GTF2A1L: variants seen among roughly 807,000 people sequenced by gnomAD.
The protein encoded by GTF2A1L is general transcription factor IIA subunit 1 like, also known as TFIIA-alpha and beta-like factor.
A neutral mutation model predicts 49.7 loss-of-function variants in GTF2A1L; 48 were observed. That is an observed-to-expected ratio of 0.97 (90% CI 0.77 to 1.23). The LOEUF (loss-of-function observed/expected upper bound fraction) is 1.23, where lower values mean the gene tolerates loss of function less well. Among genes scored for constraint, GTF2A1L ranks in the 50% most tolerant of loss-of-function variants. The pLI is 0.00. For synonymous variants in GTF2A1L, 246 were observed against 193.5 expected, an observed-to-expected ratio of 1.27 and a Z score of -2.25; for missense variants, 736 against 564.8, an observed-to-expected ratio of 1.30 and a Z score of -3.07.
intron 1 of GTF2A1L, among the ~76,000 whole-genome samples, chr2:48,619,600 G>C (rs1395594547): frequency 6.6e-6 from 1 of 152,042 alleles, no homozygotes; most frequent in Non-Finnish European, 1.5e-5. Context: ...GGCAATCCTA[G>C]AGTGCCACAA....
chr2:48,634,526 C>G (rs911079783), intron 3 of GTF2A1L, among the ~76,000 whole-genome samples: 1 of 152,154 alleles, frequency 6.6e-6, no homozygotes, highest in Non-Finnish European at 1.5e-5. Context: ...TTCATGGTAG[C>G]TGGCATCAGT....
intron 8 of GTF2A1L, among the ~76,000 whole-genome samples, chr2:48,672,722 T>C (rs6730379): frequency 0.22 from 32,869 of 152,172 alleles, 3,646 homozygotes; most frequent in South Asian, 0.25. Flanking sequence ...TGTAGTCAAA[T>C]GGGAGTTTTT....
intron 3 of GTF2A1L, among the ~76,000 whole-genome samples, chr2:48,623,893 G>T (rs1457446244): frequency 6.6e-6 from 1 of 152,070 alleles, no homozygotes; most frequent in Admixed American, 6.6e-5. Context: ...GCGAACACTG[G>T]GTACTCCAAA....
At chr2:48,673,359 C>CTTTTTTTTT (rs34493140) in intron 8 of GTF2A1L, among the ~76,000 whole-genome samples, 1 of 109,702 alleles carries the variant, frequency 9.1e-6, no homozygotes, top group Non-Finnish European at 1.7e-5. Context: ...ACACAGGAAA[C>CTTTTTTTTT]TTTTTTTTTT....
At chr2:48,657,269 T>G (rs1390166402) in intron 6 of GTF2A1L, among the ~76,000 whole-genome samples, 1 of 152,150 alleles carries the variant, frequency 6.6e-6, no homozygotes, top group East Asian at 1.9e-4. Context: ...TCTCCCTTTT[T>G]GGAGTCCCCA....
chr2:48,648,464 C>G (rs140304400), intron 6 of GTF2A1L, among the ~76,000 whole-genome samples: 243 of 152,054 alleles, frequency 1.6e-3, no homozygotes, highest in African/African-American at 5.5e-3. Context: ...TGTACTTTTT[C>G]TGATATGGGG....
At chr2:48,672,203 G>A (rs1679206936) in intron 8 of GTF2A1L, among the ~76,000 whole-genome samples, 1 of 152,162 alleles carries the variant, frequency 6.6e-6, no homozygotes, top group Admixed American at 6.5e-5. Flanking sequence ...TGGAGAATAA[G>A]CATCAGATAG....
Position 48,637,826 on chromosome 2 carries a change from C to G in GTF2A1L, c.248-4576C>G, listed in dbSNP as rs939811392. 2.6e-5 allele frequency among the ~76,000 whole-genome samples: 4 copies of G among 151,608 alleles called. 1 individual carries two copies. The South Asian group carries it at 8.4e-4, about 32-fold the overall frequency. On this transcript the variant is annotated intron_variant, in intron 3 of 8. Transcript: ENST00000403751. ...AATAAAAATAACCATCAGAAACCAT[C>G]AGTCTAGCTGCTGGCTAGACTAATA...
At chr2:48,637,814 A>G (rs1159461248) in intron 3 of GTF2A1L, among the ~76,000 whole-genome samples, 1 of 152,112 alleles carries the variant, frequency 6.6e-6, no homozygotes, top group South Asian at 2.1e-4. Context: ...AAAAATAACC[A>G]TCAGAAACCA....
chr2:48,668,199 T>G (rs369961715), intron 6 of GTF2A1L, among the ~76,000 whole-genome samples: 4 of 152,206 alleles, frequency 2.6e-5, no homozygotes, highest in African/African-American at 7.2e-5. Flanking sequence ...TATTTCTGAT[T>G]GTAAAGGATG....
chr2:48,655,700 ATTTT>A (rs1678131680), intron 6 of GTF2A1L, among the ~76,000 whole-genome samples: 1 of 152,126 alleles, frequency 6.6e-6, no homozygotes, highest in African/African-American at 2.4e-5. Context: ...TTAACTATTT[ATTTT>A]ATTTTTAAAT....
rs772503923 is a variant in GTF2A1L at position 48,679,371 on chromosome 2, A to C, written c.1366A>C (p.Lys456Gln). The change falls in exon 9 of 9, where the codon AAA becomes CAA. Residue 456 changes from lysine to glutamine, a missense_variant. Transcript: ENST00000403751. ...CAAGAACAAATGGAAATTCTATTTG[A>C]AAGATGGTGTTATGTGTTTTGGAGG... ...RSKNKWKFYL[K>Q]DGVMCFGGRD... The C allele has an allele frequency of 6.2e-7, 1 of 1,611,658 alleles. No individual in the cohort carries two copies. Among genetic ancestry groups the C allele is most frequent in the Non-Finnish European group, 8.5e-7 (1 of 1,178,876 alleles).
At chr2:48,662,630 A>G (rs1678576443) in intron 6 of GTF2A1L, among the ~76,000 whole-genome samples, 1 of 150,828 alleles carries the variant, frequency 6.6e-6, no homozygotes, top group Non-Finnish European at 1.5e-5. Flanking sequence ...TAATTTTGCC[A>G]GATACAGAAA....
intron 3 of GTF2A1L, among the ~76,000 whole-genome samples, chr2:48,641,916 C>G (rs1677217941): frequency 6.6e-6 from 1 of 152,040 alleles, no homozygotes; most frequent in Non-Finnish European, 1.5e-5. Context: ...TTCATTTGTT[C>G]CTAAAACTGT....
At chr2:48,623,597 A>G (rs1676134510) in intron 3 of GTF2A1L, among the ~76,000 whole-genome samples, 1 of 152,238 alleles carries the variant, frequency 6.6e-6, no homozygotes, top group Non-Finnish European at 1.5e-5. Context: ...TGTTCTAACA[A>G]AAAGACACCC....
chr2:48,621,269 C>G lies in GTF2A1L; in HGVS notation c.226C>G (p.Gln76Glu), dbSNP rs1490573477. 5 of 1,614,018 alleles carry G rather than the reference C, an allele frequency of 3.1e-6. No individual in the cohort carries two copies. Among genetic ancestry groups the G allele is most frequent in the Admixed American group, 1.7e-5 (1 of 60,010 alleles). ...TCTTCAGTTGCCGCACAGCTTGCACCAAACATTGCAATCGTCAACAGGTTG... is the reference window on the plus strand; with the variant it reads ...TCTTCAGTTGCCGCACAGCTTGCACGAAACATTGCAATCGTCAACAGGTTG... ...FTLQLPHSLH[Q>E]TLQSSTASLV... Residue 76 changes from glutamine (Q) to glutamate (E), a missense_variant, in exon 3 of 9, where the codon CAA (glutamine) becomes GAA (glutamate). By Grantham distance (29) the Gln-to-Glu change is conservative (BLOSUM62 2). Transcript: ENST00000403751.
At chr2:48,632,005 G>A (rs1219732973) in intron 3 of GTF2A1L, among the ~76,000 whole-genome samples, 2 of 152,036 alleles carry the variant, frequency 1.3e-5, no homozygotes, top group Non-Finnish European at 2.9e-5. Context: ...TGTTTTTGTT[G>A]TTGTTGTTTT....
At chr2:48,668,462 C>T (rs986428204) in intron 6 of GTF2A1L, 2 of 152,136 alleles carry the variant, frequency 1.3e-5, no homozygotes, top group African/African-American at 4.8e-5. Context: ...AGGAGCTTGA[C>T]ATTTTATTGA....
At chr2:48,648,566 G>A (rs554172433) in intron 6 of GTF2A1L, among the ~76,000 whole-genome samples, 85 of 152,088 alleles carry the variant, frequency 5.6e-4, no homozygotes, top group African/African-American at 1.2e-3. Flanking sequence ...TCAAATTCTA[G>A]GTTCACTACT....
Sources: allele counts gnomAD v4.1 joint callset (sites outside exome capture counted in the v4.1 genomes callset), GRCh38; gene constraint gnomAD v4.1.1; transcripts MANE v1.5; gene names NCBI Gene and HGNC (gene_info 2026-07-23, HGNC 2026-07-21).